Variants in PLEKHM1 observed in about 807,000 individuals in gnomAD.
The protein encoded by PLEKHM1 is pleckstrin homology domain-containing family M member 1.
A neutral mutation model predicts 94.3 loss-of-function variants in PLEKHM1; 28 were observed. The observed-to-expected ratio is 0.30, with a 90% confidence interval of 0.22 to 0.41. The LOEUF is 0.41. Ranked by LOEUF, PLEKHM1 falls within the 10% of genes least tolerant of loss-of-function variation. PLEKHM1 has a pLI of 1.00. For missense variants in PLEKHM1, 907 were observed against 1,358.6 expected (o/e 0.67, Z 5.22); for synonymous variants, 424 against 581.2 (o/e 0.73, Z 3.89).
chr17:45,483,114 T>C (rs905542376), intron 1 of PLEKHM1, among the ~76,000 whole-genome samples: 1 of 150,974 alleles, frequency 6.6e-6, no homozygotes, highest in African/African-American at 2.4e-5. Context: ...GCTTCGAGGG[T>C]CTGGCTTGAG....
At chr17:45,483,414 TGGGTGGGGTGGGGTGGGGTG>T (rs911527924) in intron 1 of PLEKHM1, among the ~76,000 whole-genome samples, 45 of 124,442 alleles carry the variant, frequency 3.6e-4, no homozygotes, top group Non-Finnish European at 6.1e-4. Context: ...CTCCTGGAAG[TGGGTGGGGTGGGGTGGGGTG>T]GGGTGGGGTG....
chr17:45,461,206 C>T (rs562381416), intron 5 of PLEKHM1, among the ~76,000 whole-genome samples: 4 of 152,160 alleles, frequency 2.6e-5, no homozygotes, highest in Non-Finnish European at 5.9e-5. Flanking sequence ...TGTTTTAAAC[C>T]ACCCTGTGTA....
Position 45,437,219 on chromosome 17 carries a change from G to A in PLEKHM1, c.*639C>T, listed in dbSNP as rs370243144. 3.8e-5 allele frequency: 17 copies of A among 452,790 alleles called. No individual in the cohort carries two copies. The highest frequency in any genetic ancestry group is 2.1e-4 in the East Asian group (3 of 14,348). 28.0% of individuals were successfully genotyped at this position (452,790 alleles called of 1,614,324 possible). ...AAGAGGACACAGAGGAACCGGGGTC[G>A]CCAGGACTGGCCCTGCCCTGCTGAG... On this transcript the variant is annotated 3_prime_UTR_variant, in exon 12 of 12. Transcript: ENST00000430334. The surrounding 1 kb of genome is among the most constrained non-coding windows in gnomAD (Gnocchi z 4.0).
chr17:45,435,989 C>T lies in PLEKHM1; in HGVS notation c.*1869G>A, dbSNP rs1597899132. The T allele has an allele frequency of 4.4e-6, 2 of 456,684 alleles. No individual in the cohort carries two copies. The highest frequency in any genetic ancestry group is 3.1e-5 in the South Asian group (2 of 64,574). The allele number at this position is 456,684 out of a possible 1,614,324, so 28.3% of individuals were successfully genotyped here. A position where few individuals can be genotyped will look rare whatever the true frequency, so the allele number is the denominator to read the frequency against. The stretch of plus-strand genomic sequence containing the variant: ...ATACATTGCAAAGACTCCTCAGGGC[C>T]AGAGCCCTGCTCACTAGGAACAGTG... On this transcript the variant is annotated 3_prime_UTR_variant, in exon 12 of 12. Transcript: ENST00000430334.
chr17:45,457,398 T>C (rs901839839), intron 6 of PLEKHM1, among the ~76,000 whole-genome samples: 13 of 151,872 alleles, frequency 8.6e-5, no homozygotes, highest in African/African-American at 2.7e-4. Context: ...ACCCCGTCTC[T>C]ACTAATACAA....
At chr17:45,461,187 A>G (rs990308261) in intron 5 of PLEKHM1, among the ~76,000 whole-genome samples, 14 of 150,396 alleles carry the variant, frequency 9.3e-5, no homozygotes, top group Admixed American at 5.9e-4. Context: ...GCGCCCAGCC[A>G]ATGTCTGTTG....
intron 1 of PLEKHM1, among the ~76,000 whole-genome samples, chr17:45,489,648 T>A (rs1243257831): frequency 6.6e-6 from 1 of 152,082 alleles, no homozygotes; most frequent in Non-Finnish European, 1.5e-5. Context: ...GAGAGCCCAC[T>A]GCTCCTCCAC....
Position 45,468,352 on chromosome 17 carries a change from G to C in PLEKHM1, c.1165C>G (p.Pro389Ala), listed in dbSNP as rs1360575639. ...TGCTGGCCTGAGGTGCTCTCTACAG[G>C]CTGCTGTAAGTCCAGGGGGCTGGGC... ...QAPSPLDLQQ[P>A]VESTSGQQPS... The change falls in exon 5 of 12, where the codon CCT becomes GCT. Residue 389 changes from proline (P) to alanine (A), a missense_variant. Around this residue, in one of 3 missense-constraint regions of PLEKHM1, gnomAD observed 477 missense variants for 601.5 expected, o/e 0.79. Transcript: ENST00000430334. The C allele has an allele frequency of 6.2e-7, 1 of 1,614,090 alleles. No individual in the cohort carries two copies. Among genetic ancestry groups the C allele is most frequent in the South Asian group, 1.1e-5 (1 of 91,070 alleles).
chr17:45,457,815 G>C (rs1415234128), intron 6 of PLEKHM1, among the ~76,000 whole-genome samples: 3 of 152,190 alleles, frequency 2.0e-5, no homozygotes, highest in African/African-American at 7.2e-5. Context: ...AACACGTTTG[G>C]AAGGACCATT....
intron 7 of PLEKHM1, among the ~76,000 whole-genome samples, chr17:45,451,947 T>C (rs554918314): frequency 6.6e-6 from 1 of 152,380 alleles, no homozygotes; most frequent in African/African-American, 2.4e-5. Context: ...CAGGAAGCTC[T>C]GTTCTGCCTA....
chr17:45,468,665 G>A, intron 4 of PLEKHM1, 72 bp from the exon 5 acceptor site: 1 of 1,471,336 alleles, frequency 6.8e-7, no homozygotes, highest in Non-Finnish European at 9.5e-7. Flanking sequence ...TGGGGCAGAG[G>A]GAAGAATGCA....
chr17:45,445,478 G>A lies in PLEKHM1; in HGVS notation c.2829C>T (p.Leu943=), dbSNP rs904562262. 6.2e-7 allele frequency: 1 copy of A among 1,613,602 alleles called. No homozygotes were observed. The highest frequency in any genetic ancestry group is 8.5e-7 in the Non-Finnish European group (1 of 1,179,660). The change falls in exon 9 of 12, where the codon CTC becomes CTT. Residue 943 remains leucine, a synonymous_variant. Coordinates refer to ENST00000430334, the MANE Select transcript of PLEKHM1 (RefSeq NM_014798.3). This position sits in a 1 kb window ranked among gnomAD's most constrained non-coding sequence, Gnocchi z 4.2. ...GLCRSGALKE[L]SKRLNHRNYL... ...ACGTAGAGGTTGCTCACCTCTTGCT[G>A]AGCTCCTTCAGGGCGCCACTCCGGC...
At chr17:45,463,637 C>T (rs1220045837) in intron 5 of PLEKHM1, 1 of 152,314 alleles carries the variant, frequency 6.6e-6, no homozygotes, top group Admixed American at 6.5e-5. Flanking sequence ...AGGTGATCCA[C>T]CTGCCTCAGC....
At position 45,475,112 on chromosome 17, in the gene PLEKHM1, C is replaced by G. The variant is rs2684710; in HGVS notation, c.911G>C (p.Arg304Pro). Residue 304 changes from arginine (R) to proline (P), a missense_variant, in exon 4 of 12, where the codon CGG becomes CCG. Around this residue, in one of 3 missense-constraint regions of PLEKHM1, gnomAD observed 477 missense variants for 601.5 expected, o/e 0.79. Transcript: ENST00000430334. ...LGTANAEDSD[R>P]SLQEVLLEFS... The stretch of plus-strand genomic sequence containing the variant: ...GCAGCGTACTCACTCTTGCAGAGAC[C>G]GGTCTGAGTCCTCAGCATTTGCTGT... 1 of 1,613,814 alleles carries G rather than the reference C, an allele frequency of 6.2e-7. No homozygotes were observed. The highest frequency in any genetic ancestry group is 1.7e-5 in the Admixed American group (1 of 59,990).
At chr17:45,451,744 T>C (rs2050779621) in intron 7 of PLEKHM1, among the ~76,000 whole-genome samples, 1 of 151,830 alleles carries the variant, frequency 6.6e-6, no homozygotes, top group African/African-American at 2.4e-5. Context: ...GGTGGCACAG[T>C]CCCACCCGCT....
intron 1 of PLEKHM1, chr17:45,487,878 C>T: frequency 2.2e-6 from 1 of 452,030 alleles, no homozygotes; most frequent in Non-Finnish European, 4.5e-6. Flanking sequence ...TTCAGAGCCA[C>T]AGCCTGGCTT....
intron 9 of PLEKHM1, among the ~76,000 whole-genome samples, chr17:45,441,351 C>T (rs1470943295): frequency 2.0e-5 from 3 of 152,250 alleles, no homozygotes; most frequent in Admixed American, 6.5e-5. Flanking sequence ...GAGCCCAATC[C>T]GGGGTGGAGA....
Position 45,453,455 on chromosome 17 carries a change from C to T in PLEKHM1, c.2397G>A (p.Glu799=), listed in dbSNP as rs1453090493. 2 of 1,610,576 alleles carry T rather than the reference C, an allele frequency of 1.2e-6. No homozygotes were observed. Among genetic ancestry groups the T allele is most frequent in the Non-Finnish European group, 1.7e-6 (2 of 1,178,390 alleles). Reference sequence around the variant, plus strand: ...TCTCCCGGGTGGCAAATTTCAGCACCTCCTGACAGTTTTCATCCAGGCTCC... The same window carrying T: ...TCTCCCGGGTGGCAAATTTCAGCACTTCCTGACAGTTTTCATCCAGGCTCC... ...LGGSLDENCQ[E]VLKFATRENG... The change falls in exon 7 of 12, where the codon GAG becomes GAA. Residue 799 remains glutamate, a synonymous_variant. Coordinates refer to ENST00000430334, the MANE Select transcript of PLEKHM1 (RefSeq NM_014798.3). The surrounding 1 kb of genome is among the most constrained non-coding windows in gnomAD (Gnocchi z 4.1).
chr17:45,488,601 C>G (rs928730755), intron 1 of PLEKHM1, among the ~76,000 whole-genome samples: 1 of 152,016 alleles, frequency 6.6e-6, no homozygotes, highest in Non-Finnish European at 1.5e-5. Context: ...CAAAGGAATA[C>G]GACTATAAGT....
Sources: allele counts gnomAD v4.1 joint callset (sites outside exome capture counted in the v4.1 genomes callset), GRCh38; gene constraint gnomAD v4.1.1; regional missense constraint gnomAD v4.1.1; non-coding constraint Gnocchi (gnomAD v3.1); transcripts MANE v1.5; gene names NCBI Gene and HGNC (gene_info 2026-07-23, HGNC 2026-07-21).